CDH12: variants seen among roughly 807,000 people sequenced by gnomAD.
The protein encoded by CDH12 is cadherin-12.
A neutral mutation model predicts 74.1 loss-of-function variants in CDH12; 41 were observed. The observed-to-expected ratio is 0.55, with a 90% CI of 0.43 to 0.72. The LOEUF (loss-of-function observed/expected upper bound fraction) is 0.72, where lower values mean the gene tolerates loss of function less well. Among genes scored for constraint, CDH12 ranks in the 30% least tolerant of loss-of-function variants. The probability of loss-of-function intolerance (pLI) is 0.00; values close to 1 mark genes in which losing one functional copy is unlikely to be tolerated. For synonymous variants in CDH12, 399 were observed against 355.0 expected (o/e 1.12, Z -1.39); for missense variants, 945 against 977.2 (o/e 0.97, Z 0.44).
chr5:22,121,888 A>G (rs2150276033), intron 4 of CDH12, among the ~76,000 whole-genome samples: 2 of 152,208 alleles, frequency 1.3e-5, no homozygotes, highest in Middle Eastern at 3.4e-3. Flanking sequence ...CCTGAACTTA[A>G]AACATCATAG....
At chr5:21,945,660 C>T (rs1466321493) in intron 6 of CDH12, among the ~76,000 whole-genome samples, 1 of 150,964 alleles carries the variant, frequency 6.6e-6, no homozygotes, top group Non-Finnish European at 1.5e-5. Flanking sequence ...AGGATGGTCA[C>T]AAAAGAAGAG....
intron 3 of CDH12, among the ~76,000 whole-genome samples, chr5:22,283,229 T>TATATATATATATAG (rs1160221990): frequency 0.014 from 559 of 39,332 alleles, 4 homozygotes; most frequent in African/African-American, 0.045. Context: ...TATATATATA[T>TATATATATATATAG]ATATATATAT....
intron 1 of CDH12, among the ~76,000 whole-genome samples, chr5:22,851,447 A>G (rs1737554324): frequency 1.3e-5 from 2 of 152,152 alleles, no homozygotes. Flanking sequence ...GGGATTAACA[A>G]TGCCAGGGCT....
intron 1 of CDH12, among the ~76,000 whole-genome samples, chr5:22,744,104 A>C (rs1051057117): frequency 6.6e-6 from 1 of 152,126 alleles, no homozygotes; most frequent in African/African-American, 2.4e-5. Flanking sequence ...TCTATGATCA[A>C]ACCCAAGACA....
At chr5:21,838,456 A>G (rs1749660881) in intron 8 of CDH12, among the ~76,000 whole-genome samples, 4 of 152,090 alleles carry the variant, frequency 2.6e-5, no homozygotes, top group Admixed American at 2.6e-4. Flanking sequence ...GCTACTTGGG[A>G]GGCTGAGACA....
At chr5:22,292,425 C>T (rs984561109) in intron 3 of CDH12, among the ~76,000 whole-genome samples, 7 of 147,538 alleles carry the variant, frequency 4.7e-5, no homozygotes, top group Non-Finnish European at 8.9e-5. Context: ...AGCTTCTGCA[C>T]AGCAAAGGAA....
At chr5:22,025,403 G>A (rs1738282046) in intron 5 of CDH12, among the ~76,000 whole-genome samples, 1 of 152,090 alleles carries the variant, frequency 6.6e-6, no homozygotes, top group South Asian at 2.1e-4. Flanking sequence ...ACTATATTAA[G>A]AGTACAATAG....
intron 1 of CDH12, among the ~76,000 whole-genome samples, chr5:22,831,072 A>C (rs183562748): frequency 3.3e-5 from 5 of 152,182 alleles, no homozygotes; most frequent in Admixed American, 6.5e-5. Context: ...AAGATGAGAG[A>C]TTCAAGAATA....
chr5:22,352,102 G>C (rs1429458369), intron 3 of CDH12, among the ~76,000 whole-genome samples: 3 of 148,596 alleles, frequency 2.0e-5, no homozygotes, highest in African/African-American at 7.4e-5. Context: ...TCTATTAAGT[G>C]TTTGGAATCA....
At chr5:21,861,304 C>T (rs1480616258) in intron 6 of CDH12, among the ~76,000 whole-genome samples, 1 of 151,864 alleles carries the variant, frequency 6.6e-6, no homozygotes, top group Non-Finnish European at 1.5e-5. Context: ...ACTAACTACA[C>T]ATTAATTTTT....
intron 6 of CDH12, among the ~76,000 whole-genome samples, chr5:21,865,474 A>G (rs1332467043): frequency 6.6e-6 from 1 of 152,162 alleles, no homozygotes; most frequent in African/African-American, 2.4e-5. Flanking sequence ...CTTTGCCATC[A>G]CAAGCCCAGT....
intron 1 of CDH12, among the ~76,000 whole-genome samples, chr5:22,815,758 A>T (rs951583386): frequency 5.0e-5 from 7 of 140,028 alleles, no homozygotes; most frequent in Non-Finnish European, 9.4e-5. Context: ...TGACAGAAGG[A>T]GACTCCGTCT....
At chr5:22,796,588 C>T (rs1345534798) in intron 1 of CDH12, among the ~76,000 whole-genome samples, 1 of 91,314 alleles carries the variant, frequency 1.1e-5, no homozygotes, top group Non-Finnish European at 2.0e-5. Context: ...GGCGGGATCT[C>T]GGCTCACTGC....
At chr5:22,671,842 A>AT (rs369400766) in intron 1 of CDH12, among the ~76,000 whole-genome samples, 26 of 146,512 alleles carry the variant, frequency 1.8e-4, no homozygotes, top group Middle Eastern at 3.6e-3. Flanking sequence ...TACTTTTCTC[A>AT]TTTTTTTTTT....
intron 2 of CDH12, among the ~76,000 whole-genome samples, chr5:22,410,137 A>G (rs370174237): frequency 6.6e-6 from 1 of 152,086 alleles, no homozygotes; most frequent in East Asian, 1.9e-4. Flanking sequence ...AATGAAAGCC[A>G]CAGAAGCAAA....
At chr5:22,254,760 T>C (rs1753257425) in intron 3 of CDH12, among the ~76,000 whole-genome samples, 1 of 151,876 alleles carries the variant, frequency 6.6e-6, no homozygotes, top group Non-Finnish European at 1.5e-5. Context: ...TGTTTGTGGG[T>C]ACATAGTAGG....
intron 2 of CDH12, among the ~76,000 whole-genome samples, chr5:22,435,278 G>A (rs985542669): frequency 3.3e-5 from 5 of 151,802 alleles, no homozygotes; most frequent in African/African-American, 4.8e-5. Flanking sequence ...CTCGAACATC[G>A]GACTCCAAGT....
chr5:22,644,151 C>G lies in CDH12; in HGVS notation c.-522-138787G>C, dbSNP rs150217666. 5.8e-4 allele frequency among the ~76,000 whole-genome samples: 88 copies of G among 152,104 alleles called. No individual in the cohort carries two copies. In the East Asian group the frequency reaches 8.7e-3, roughly 15 times the overall value. On this transcript the variant is annotated intron_variant, in intron 1 of 14. Transcript: ENST00000382254. The stretch of plus-strand genomic sequence containing the variant: ...AACCCTTAAATGGCCTTTACATGTT[C>G]AAGTGAAAAGTCCCACAACTCTCAC...
At chr5:22,173,278 A>T (rs1749140816) in intron 4 of CDH12, among the ~76,000 whole-genome samples, 1 of 146,896 alleles carries the variant, frequency 6.8e-6, no homozygotes, top group Non-Finnish European at 1.5e-5. Flanking sequence ...TTTTATAATT[A>T]TATAATTTAT....
Sources: gnomAD v4.1 joint callset for allele counts (sites outside exome capture counted in the v4.1 genomes callset) on GRCh38, gnomAD v4.1.1 for gene constraint, MANE v1.5 for transcripts, NCBI Gene and HGNC (gene_info 2026-07-23, HGNC 2026-07-21) for gene names.